Variants in CDK5RAP2 observed in about 807,000 individuals in gnomAD.
CDK5RAP2 encodes the protein CDK5 regulatory subunit associated protein 2.
CDK5RAP2 carries 147 observed loss-of-function variants against 232.9 expected under a neutral mutation model. The observed-to-expected ratio is 0.63, with a 90% confidence interval of 0.55 to 0.72. CDK5RAP2 has a LOEUF of 0.72. Among genes scored for constraint, CDK5RAP2 ranks in the 30% least tolerant of loss-of-function variants. The pLI is 0.00. For missense variants in CDK5RAP2, 2,195 were observed against 2,231.5 expected, an observed-to-expected ratio of 0.98 and a Z score of 0.33; for synonymous variants, 833 against 833.7, an observed-to-expected ratio of 1.00 and a Z score of 0.01.
rs142907131 is a variant in CDK5RAP2, at chr9:120,451,771, T to C, written c.2793+1685A>G. Among the ~76,000 whole-genome samples, 875 of 151,644 alleles carry C rather than the reference T, an allele frequency of 5.8e-3. 10 individuals are homozygous for C. Among genetic ancestry groups the C allele is most frequent in the African/African-American group, 0.019 (805 of 41,418 alleles). ...ACTCTGGACAGTTTTCTGAGCCTTT[T>C]AAGAGCCTATATTTCTTCATAAGTA... On this transcript the variant is annotated intron_variant, in intron 21 of 37. Coordinates refer to ENST00000349780, the MANE Select transcript of CDK5RAP2 (RefSeq NM_018249.6).
In CDK5RAP2 at chr9:120,518,489, T is replaced by C; in HGVS notation, c.1249A>G (p.Arg417Gly). ...GCTTCCTCCAGGTCCTTCTCCAGTCTCTCCCTCTCCTGCTGCAAGTCACTC... is the reference window on the plus strand; with the variant it reads ...GCTTCCTCCAGGTCCTTCTCCAGTCCCTCCCTCTCCTGCTGCAAGTCACTC... ...ELSDLQQERE[R>G]LEKDLEEAHR... The change falls in exon 12 of 38, where the codon AGA becomes GGA. Residue 417 changes from arginine (R) to glycine (G), a missense_variant. Physicochemically the swap from Arg to Gly is moderately radical, Grantham distance 125. Transcript: ENST00000349780. 1 of 1,613,558 alleles carries C rather than the reference T, an allele frequency of 6.2e-7. No homozygotes were observed. The highest frequency in any genetic ancestry group is 8.5e-7 in the Non-Finnish European group (1 of 1,179,894).
At chr9:120,568,530 A>G in intron 2 of CDK5RAP2, 142 bp from the exon 3 acceptor site, 4 of 746,544 alleles carry the variant, frequency 5.4e-6, no homozygotes, top group Non-Finnish European at 9.8e-6. Context: ...TTTGTGATTT[A>G]CTGATTTTGC....
rs749626443 is a variant in CDK5RAP2, at chr9:120,439,497, T to C, written c.3624A>G (p.Glu1208=). ...VLENLKQQLE[E]QEYKLQKEQN... Reference sequence around the variant, plus strand: ...GCTCCTTCTGCAGCTTGTATTCCTGTTCCTCCAGCTGCTGTTTGAGGTTCT... The same window carrying C: ...GCTCCTTCTGCAGCTTGTATTCCTGCTCCTCCAGCTGCTGTTTGAGGTTCT... Residue 1208 remains glutamate (E), a synonymous_variant, in exon 24 of 38, where the codon GAA becomes GAG. Transcript: ENST00000349780. The C allele has an allele frequency of 6.2e-7, 1 of 1,614,176 alleles. No individual in the cohort carries two copies. The highest frequency in any genetic ancestry group is 1.7e-5 in the Admixed American group (1 of 60,022).
intron 3 of CDK5RAP2, among the ~76,000 whole-genome samples, chr9:120,554,496 T>A (rs1387941359): frequency 6.6e-6 from 1 of 152,232 alleles, no homozygotes; most frequent in Non-Finnish European, 1.5e-5. Context: ...TCTTTCATGA[T>A]GCAACCTAGA....
intron 11 of CDK5RAP2, among the ~76,000 whole-genome samples, chr9:120,524,561 C>T (rs2040815143): frequency 6.6e-6 from 1 of 152,006 alleles, no homozygotes; most frequent in African/African-American, 2.4e-5. Context: ...TTGCCTGAAC[C>T]CAGGAGGCGG....
intron 26 of CDK5RAP2, among the ~76,000 whole-genome samples, chr9:120,422,171 G>T (rs896640581): frequency 6.6e-6 from 1 of 152,244 alleles, no homozygotes; most frequent in African/African-American, 2.4e-5. Context: ...TGGAGAGGGA[G>T]GGTATTGGGG....
chr9:120,539,721 C>G (rs1183732067), intron 5 of CDK5RAP2, among the ~76,000 whole-genome samples: 2 of 152,202 alleles, frequency 1.3e-5, no homozygotes, highest in Non-Finnish European at 2.9e-5. Flanking sequence ...ATAAAAGCAT[C>G]CTTGTATGTC....
Position 120,408,340 on chromosome 9 carries a change from T to C in CDK5RAP2, c.4726+7A>G, listed in dbSNP as rs2033617855. The C allele has an allele frequency of 7.4e-6, 12 of 1,613,754 alleles. No individual in the cohort carries two copies. The highest frequency in any genetic ancestry group is 1.3e-5 in the African/African-American group (1 of 74,916). On this transcript the variant is annotated splice_region_variant and intron_variant, in intron 31 of 37. Coordinates refer to ENST00000349780, the MANE Select transcript of CDK5RAP2 (RefSeq NM_018249.6). ...CAGTAGCCTCAAGGTGAGAAGGGCC[T>C]CAGTACCTCTCAGTCTCCTGTGCTC...
chr9:120,513,256 G>A (rs775901342), intron 12 of CDK5RAP2, among the ~76,000 whole-genome samples: 1 of 152,096 alleles, frequency 6.6e-6, no homozygotes, highest in Non-Finnish European at 1.5e-5. Context: ...TTGTTTCCTG[G>A]CTTTCCCTCA....
rs534310825 is a variant in CDK5RAP2 at position 120,427,225 on chromosome 9, C to T, written c.3956-4484G>A. Among the ~76,000 whole-genome samples, 82 of 152,176 alleles carry T rather than the reference C, an allele frequency of 5.4e-4. 2 individuals carry two copies. The South Asian group carries it at 0.012, about 23-fold the overall frequency. On this transcript the variant is annotated intron_variant, in intron 25 of 37. Coordinates refer to ENST00000349780, the MANE Select transcript of CDK5RAP2 (RefSeq NM_018249.6). Reference sequence around the variant, plus strand: ...TCCCTGGGCCACTCTGTGTCTTGGACCACACATAAAATACACTAACAATAG... The same window carrying T: ...TCCCTGGGCCACTCTGTGTCTTGGATCACACATAAAATACACTAACAATAG...
chr9:120,408,612 G>A (rs1252950158), intron 30 of CDK5RAP2, 144 bp from the exon 31 acceptor site: 2 of 906,700 alleles, frequency 2.2e-6, no homozygotes, highest in East Asian at 2.6e-5. Context: ...AATTCCATGT[G>A]CTCTCTAATC....
At chr9:120,454,176 T>C (rs562420935) in intron 20 of CDK5RAP2, among the ~76,000 whole-genome samples, 3 of 152,282 alleles carry the variant, frequency 2.0e-5, no homozygotes, top group African/African-American at 7.2e-5. Flanking sequence ...TGGGCCCAGG[T>C]AGAAACAAAC....
At chr9:120,521,298 C>CT (rs1488260625) in intron 11 of CDK5RAP2, among the ~76,000 whole-genome samples, 2 of 152,216 alleles carry the variant, frequency 1.3e-5, no homozygotes, top group Admixed American at 6.5e-5. Flanking sequence ...AACGCACAAA[C>CT]AGGCTGGAAG....
chr9:120,427,556 A>T (rs2131410579), intron 25 of CDK5RAP2, among the ~76,000 whole-genome samples: 1 of 151,984 alleles, frequency 6.6e-6, no homozygotes, highest in Admixed American at 6.5e-5. Flanking sequence ...TCTATCACAA[A>T]CTCAGATGTG....
intron 20 of CDK5RAP2, among the ~76,000 whole-genome samples, chr9:120,456,894 T>C (rs1221431061): frequency 6.6e-6 from 1 of 152,226 alleles, no homozygotes; most frequent in Non-Finnish European, 1.5e-5. Context: ...CAAGTGTTAT[T>C]TTGCTAGAAA....
intron 12 of CDK5RAP2, among the ~76,000 whole-genome samples, chr9:120,507,897 C>T (rs888992337): frequency 9.7e-6 from 1 of 102,616 alleles, no homozygotes; most frequent in African/African-American, 3.9e-5. Flanking sequence ...TCTCTTAGAG[C>T]AGACTGGCTG....
intron 27 of CDK5RAP2, among the ~76,000 whole-genome samples, chr9:120,415,774 C>T (rs369879168): frequency 7.8e-4 from 119 of 152,178 alleles, no homozygotes; most frequent in Middle Eastern, 3.4e-3. Context: ...ATGTCTTTTA[C>T]CAAATAATTC....
At chr9:120,492,240 A>G (rs765671082) in intron 12 of CDK5RAP2, among the ~76,000 whole-genome samples, 1 of 152,196 alleles carries the variant, frequency 6.6e-6, no homozygotes, top group Non-Finnish European at 1.5e-5. Flanking sequence ...CATTCTCACA[A>G]TGGAGCACTC....
At chr9:120,569,847 T>C (rs2042784472) in intron 2 of CDK5RAP2, among the ~76,000 whole-genome samples, 1 of 152,022 alleles carries the variant, frequency 6.6e-6, no homozygotes, top group African/African-American at 2.4e-5. Flanking sequence ...ATTGGGATAA[T>C]CTAGGCCGCA....
Sources: allele counts gnomAD v4.1 joint callset (sites outside exome capture counted in the v4.1 genomes callset), GRCh38; gene constraint gnomAD v4.1.1; transcripts MANE v1.5; gene names NCBI Gene and HGNC (gene_info 2026-07-23, HGNC 2026-07-21).